The following SGCZ variants were observed in gnomAD, a reference collection of about 807,000 sequenced individuals.
SGCZ encodes zeta-sarcoglycan.
A neutral mutation model predicts 41.3 loss-of-function variants in SGCZ; 40 were observed. The observed-to-expected ratio is 0.97, with a 90% CI of 0.75 to 1.26. SGCZ has a LOEUF of 1.26. SGCZ is among the 50% of genes most tolerant of loss of function. The pLI is 0.00. For missense variants in SGCZ, 552 were observed against 369.8 expected (o/e 1.49, Z -4.04); for synonymous variants, 206 against 137.5 (o/e 1.50, Z -3.49).
intron 4 of SGCZ, among the ~76,000 whole-genome samples, chr8:14,201,466 G>C (rs2117071047): frequency 6.6e-6 from 1 of 152,208 alleles, no homozygotes; most frequent in African/African-American, 2.4e-5. Context: ...CAAAATTGTT[G>C]ATTCCTGCAA....
chr8:14,969,554 A>G (rs1384595231), intron 1 of SGCZ, among the ~76,000 whole-genome samples: 2 of 151,860 alleles, frequency 1.3e-5, no homozygotes, highest in African/African-American at 2.4e-5. Context: ...CCTCCAAGCA[A>G]CCCTAATCTG....
intron 4 of SGCZ, among the ~76,000 whole-genome samples, chr8:14,196,345 CT>C (rs942733464): frequency 1.3e-5 from 2 of 151,332 alleles, no homozygotes; most frequent in Admixed American, 6.6e-5. Context: ...GTCACAGCAA[CT>C]TCCGCCTCCT....
intron 1 of SGCZ, among the ~76,000 whole-genome samples, chr8:14,862,191 C>G (rs1038931998): frequency 2.6e-5 from 4 of 151,872 alleles, no homozygotes; most frequent in Non-Finnish European, 4.4e-5. Context: ...ACCAGAAGAC[C>G]GTAGAAGGGC....
intron 2 of SGCZ, among the ~76,000 whole-genome samples, chr8:14,331,690 C>T (rs1802331218): frequency 6.6e-6 from 1 of 151,842 alleles, no homozygotes; most frequent in African/African-American, 2.4e-5. Flanking sequence ...TGTTCTTTGC[C>T]AATAGTTGTT....
intron 1 of SGCZ, among the ~76,000 whole-genome samples, chr8:14,665,477 G>T (rs1322469166): frequency 2.0e-5 from 3 of 152,126 alleles, no homozygotes; most frequent in Non-Finnish European, 4.4e-5. Flanking sequence ...AAACATACGT[G>T]TGCGTGTCTT....
At chr8:14,858,092 G>C (rs1193016045) in intron 1 of SGCZ, among the ~76,000 whole-genome samples, 1 of 152,010 alleles carries the variant, frequency 6.6e-6, no homozygotes, top group African/African-American at 2.4e-5. Flanking sequence ...CTTATTAACT[G>C]ATCTCCTTTA....
intron 2 of SGCZ, among the ~76,000 whole-genome samples, chr8:14,341,337 G>A (rs185027805): frequency 1.0e-3 from 156 of 152,220 alleles, no homozygotes; most frequent in African/African-American, 1.3e-3. Context: ...AATATTTTGC[G>A]TAATTGTGTA....
intron 5 of SGCZ, among the ~76,000 whole-genome samples, chr8:14,132,396 GACA>G (rs553588680): frequency 6.6e-5 from 10 of 152,294 alleles, no homozygotes; most frequent in Non-Finnish European, 8.8e-5. Context: ...CATTTACAGT[GACA>G]ACTACTTCTC....
At chr8:14,761,976 C>G (rs1799895221) in intron 1 of SGCZ, among the ~76,000 whole-genome samples, 1 of 152,076 alleles carries the variant, frequency 6.6e-6, no homozygotes. Context: ...GAGTCTCATG[C>G]TAACACAGGG....
At chr8:14,711,585 G>A (rs1205394437) in intron 1 of SGCZ, among the ~76,000 whole-genome samples, 1 of 119,096 alleles carries the variant, frequency 8.4e-6, no homozygotes, top group South Asian at 3.2e-4. Context: ...CCAGGAGACA[G>A]AGTGAGACTC....
intron 2 of SGCZ, among the ~76,000 whole-genome samples, chr8:14,498,126 G>A (rs956948619): frequency 2.6e-5 from 4 of 152,046 alleles, no homozygotes; most frequent in Middle Eastern, 3.2e-3. Flanking sequence ...TATACTCTTT[G>A]TTGATTTGAA....
At chr8:14,557,346 A>C (rs1410208706) in intron 1 of SGCZ, among the ~76,000 whole-genome samples, 1 of 151,570 alleles carries the variant, frequency 6.6e-6, no homozygotes, top group Non-Finnish European at 1.5e-5. Context: ...TTGAATGTAT[A>C]GATTGTGAAG....
intron 5 of SGCZ, among the ~76,000 whole-genome samples, chr8:14,117,407 TCTG>T (rs1802556053): frequency 1.0e-5 from 1 of 96,878 alleles, no homozygotes; most frequent in Non-Finnish European, 2.2e-5. Context: ...GATGCACACA[TCTG>T]TGTGTGTGTG....
chr8:15,213,623 A>G (rs1801307149), intron 1 of SGCZ, among the ~76,000 whole-genome samples: 1 of 151,766 alleles, frequency 6.6e-6, no homozygotes. Context: ...ACATTCCTAC[A>G]TAGATTTATA....
chr8:14,878,243 G>C (rs906341173), intron 1 of SGCZ, among the ~76,000 whole-genome samples: 2 of 148,500 alleles, frequency 1.3e-5, no homozygotes, highest in Non-Finnish European at 3.0e-5. Context: ...ACATTTAAAA[G>C]ACAATTCGAC....
At chr8:15,095,231 T>C (rs529400815) in intron 1 of SGCZ, among the ~76,000 whole-genome samples, 1 of 152,284 alleles carries the variant, frequency 6.6e-6, no homozygotes, top group East Asian at 1.9e-4. Context: ...CCCAAGTAAC[T>C]GGGATTACAG....
At chr8:14,374,235 T>C (rs553099182) in intron 2 of SGCZ, among the ~76,000 whole-genome samples, 1 of 152,138 alleles carries the variant, frequency 6.6e-6, no homozygotes, top group East Asian at 1.9e-4. Flanking sequence ...AAAAATTAGC[T>C]GGGCGTGGTG....
chr8:14,651,608 A>G (rs1807401187), intron 1 of SGCZ, among the ~76,000 whole-genome samples: 1 of 152,058 alleles, frequency 6.6e-6, no homozygotes, highest in African/African-American at 2.4e-5. Flanking sequence ...CTCATTTTCA[A>G]TAAATTAACA....
chr8:14,962,717 A>T (rs1000467988), intron 1 of SGCZ, among the ~76,000 whole-genome samples: 16 of 152,230 alleles, frequency 1.1e-4, no homozygotes, highest in African/African-American at 3.6e-4. Flanking sequence ...CACAGAGATA[A>T]TTGTCTAAAC....
Sources: allele counts gnomAD v4.1 joint callset (sites outside exome capture counted in the v4.1 genomes callset), GRCh38; gene constraint gnomAD v4.1.1; transcripts MANE v1.5; gene names NCBI Gene and HGNC (gene_info 2026-07-23, HGNC 2026-07-21).